RETREG1: variants seen among roughly 807,000 people sequenced by gnomAD.
RETREG1 encodes family with sequence similarity 134 member B.
Under a neutral mutation model 54.8 loss-of-function variants are expected in RETREG1, and 44 were observed. The observed-to-expected ratio is 0.80, with a 90% CI of 0.63 to 1.03. The LOEUF (loss-of-function observed/expected upper bound fraction) is 1.03, where lower values mean the gene tolerates loss of function less well. RETREG1 is among the 50% of genes least tolerant of loss of function. The pLI is 0.00. For missense variants in RETREG1, 554 were observed against 605.1 expected, an observed-to-expected ratio of 0.92 and a Z score of 0.89; for synonymous variants, 217 against 238.5, an observed-to-expected ratio of 0.91 and a Z score of 0.83.
At chr5:16,575,819 T>C (rs1446559900) in intron 1 of RETREG1, among the ~76,000 whole-genome samples, 2 of 152,266 alleles carry the variant, frequency 1.3e-5, no homozygotes, top group Non-Finnish European at 2.9e-5. Context: ...TATAAACATG[T>C]TTGAGAAACG....
intron 2 of RETREG1, among the ~76,000 whole-genome samples, chr5:16,567,338 T>C (rs1341159682): frequency 6.6e-6 from 1 of 152,154 alleles, no homozygotes; most frequent in Non-Finnish European, 1.5e-5. Flanking sequence ...GACACTGTGC[T>C]TCCAAAGGCC....
At chr5:16,605,530 T>C (rs1023386762) in intron 1 of RETREG1, among the ~76,000 whole-genome samples, 5 of 152,118 alleles carry the variant, frequency 3.3e-5, no homozygotes, top group African/African-American at 1.2e-4. Flanking sequence ...AGTCTGCAAA[T>C]AGAAACACTG....
intron 3 of RETREG1, among the ~76,000 whole-genome samples, chr5:16,560,797 T>C (rs1741833389): frequency 6.6e-6 from 1 of 152,228 alleles, no homozygotes; most frequent in Non-Finnish European, 1.5e-5. Flanking sequence ...GTTAAAAATA[T>C]AAGCACTATC....
At chr5:16,614,057 C>T (rs1419767580) in intron 1 of RETREG1, among the ~76,000 whole-genome samples, 1 of 152,174 alleles carries the variant, frequency 6.6e-6, no homozygotes, top group Non-Finnish European at 1.5e-5. Flanking sequence ...GCAGATGCCA[C>T]AAACAGGAGA....
chr5:16,523,408 T>A (rs1030313243), intron 3 of RETREG1, among the ~76,000 whole-genome samples: 1 of 152,104 alleles, frequency 6.6e-6, no homozygotes, highest in Non-Finnish European at 1.5e-5. Context: ...GAGTGTTTTG[T>A]AGAGATGCGT....
chr5:16,558,600 G>A (rs538486137), intron 3 of RETREG1, among the ~76,000 whole-genome samples: 1 of 152,284 alleles, frequency 6.6e-6, no homozygotes, highest in Non-Finnish European at 1.5e-5. Flanking sequence ...TTTCAAATAT[G>A]ATGCCTTATT....
At chr5:16,530,055 C>T (rs1472053984) in intron 3 of RETREG1, among the ~76,000 whole-genome samples, 1 of 152,240 alleles carries the variant, frequency 6.6e-6, no homozygotes, top group Non-Finnish European at 1.5e-5. Flanking sequence ...CACTCTTATG[C>T]CTGCTCCTCC....
intron 3 of RETREG1, among the ~76,000 whole-genome samples, chr5:16,558,114 G>A (rs913748786): frequency 2.6e-5 from 4 of 152,108 alleles, no homozygotes; most frequent in African/African-American, 9.7e-5. Context: ...GTGAGTTGGA[G>A]CTGAGTGTGA....
At chr5:16,528,281 T>G (rs574394017) in intron 3 of RETREG1, among the ~76,000 whole-genome samples, 1 of 152,278 alleles carries the variant, frequency 6.6e-6, no homozygotes, top group Admixed American at 6.5e-5. Flanking sequence ...GATGTGATTT[T>G]TACATATATT....
At chr5:16,511,154 T>C (rs1312483593) in intron 3 of RETREG1, among the ~76,000 whole-genome samples, 2 of 152,214 alleles carry the variant, frequency 1.3e-5, no homozygotes, top group Non-Finnish European at 2.9e-5. Context: ...TGTTTGACTT[T>C]ACAGTGGTGC....
At chr5:16,571,517 T>A (rs1435395820) in intron 2 of RETREG1, among the ~76,000 whole-genome samples, 3 of 147,110 alleles carry the variant, frequency 2.0e-5, no homozygotes, top group South Asian at 2.1e-4. Context: ...TTTTTTTTTT[T>A]AAACCAAGCT....
chr5:16,583,909 AT>A (rs1221843520), intron 1 of RETREG1, among the ~76,000 whole-genome samples: 1 of 152,206 alleles, frequency 6.6e-6, no homozygotes, highest in African/African-American at 2.4e-5. Flanking sequence ...TAAAATGGAG[AT>A]CCAAAAATAG....
intron 1 of RETREG1, among the ~76,000 whole-genome samples, chr5:16,583,193 T>G (rs983599765): frequency 6.7e-6 from 1 of 149,404 alleles, no homozygotes; most frequent in African/African-American, 2.4e-5. Context: ...ACAAAAAATA[T>G]TTTTTGTCTG....
chr5:16,599,482 G>A (rs939688722), intron 1 of RETREG1, among the ~76,000 whole-genome samples: 1 of 152,208 alleles, frequency 6.6e-6, no homozygotes, highest in Non-Finnish European at 1.5e-5. Flanking sequence ...TGGGAAAAGA[G>A]AAATTCTTCT....
chr5:16,532,299 G>A (rs1740939215), intron 3 of RETREG1, among the ~76,000 whole-genome samples: 1 of 152,186 alleles, frequency 6.6e-6, no homozygotes. Context: ...GGCTGAAGTG[G>A]GCAGATCACG....
chr5:16,484,729 C>T (rs1186552760), intron 3 of RETREG1, among the ~76,000 whole-genome samples: 1 of 152,010 alleles, frequency 6.6e-6, no homozygotes, highest in Non-Finnish European at 1.5e-5. Context: ...TAAATGAGTG[C>T]AATAGCATAT....
chr5:16,524,446 G>T (rs376885035), intron 3 of RETREG1, among the ~76,000 whole-genome samples: 1 of 152,128 alleles, frequency 6.6e-6, no homozygotes, highest in East Asian at 1.9e-4. Context: ...ACTAGAGGAA[G>T]TCCAAGGTTT....
chr5:16,514,623 T>C (rs574686970), intron 3 of RETREG1, among the ~76,000 whole-genome samples: 3 of 152,132 alleles, frequency 2.0e-5, no homozygotes, highest in South Asian at 4.2e-4. Context: ...GATTTTGGGA[T>C]ACCCATCACC....
chr5:16,540,300 T>G (rs78183467), intron 3 of RETREG1, among the ~76,000 whole-genome samples: 5,588 of 152,294 alleles, frequency 0.037, 313 homozygotes, highest in African/African-American at 0.13. Flanking sequence ...GCAAATAAAT[T>G]ATCCTTATTA....
Sources: gnomAD v4.1 joint callset for allele counts (sites outside exome capture counted in the v4.1 genomes callset) on GRCh38, gnomAD v4.1.1 for gene constraint, MANE v1.5 for transcripts, NCBI Gene and HGNC (gene_info 2026-07-23, HGNC 2026-07-21) for gene names.